FAM13A: variants seen among roughly 807,000 people sequenced by gnomAD.
FAM13A encodes the protein family with sequence similarity 13 member A.
Under a neutral mutation model 129.6 loss-of-function variants are expected in FAM13A, and 76 were observed. The ratio of observed to expected loss-of-function variants is 0.59; its 90% CI spans 0.49 to 0.71. FAM13A has a LOEUF of 0.71. Among genes scored for constraint, FAM13A ranks in the 30% least tolerant of loss-of-function variants. The pLI, the probability that FAM13A is intolerant of heterozygous loss-of-function variation, is 0.00. For missense variants in FAM13A, 1,108 were observed against 1,249.3 expected (o/e 0.89, Z 1.70); for synonymous variants, 443 against 449.9 (o/e 0.98, Z 0.20).
intron 4 of FAM13A, among the ~76,000 whole-genome samples, chr4:88,955,735 C>T (rs1480649044): frequency 3.3e-5 from 5 of 152,128 alleles, no homozygotes; most frequent in African/African-American, 7.2e-5. Context: ...ACAAAGGTGA[C>T]TCGTCATGCT....
chr4:88,944,079 T>C (rs1414212145), intron 4 of FAM13A, among the ~76,000 whole-genome samples: 1 of 152,236 alleles, frequency 6.6e-6, no homozygotes, highest in Non-Finnish European at 1.5e-5. Context: ...AAGAATTTGC[T>C]CTTGCTGGGC....
chr4:88,942,691 C>T lies in FAM13A; in HGVS notation c.606-4450G>A, dbSNP rs923940448. On this transcript the variant is annotated intron_variant, in intron 4 of 23. Transcript: ENST00000264344. ...TGCAAGATATCACCCATACCAAAGA[C>T]GGTAAAGCCCACCTGACTCCTACTG... Among the ~76,000 whole-genome samples the T allele has an allele frequency of 9.2e-5, 14 of 151,940 alleles. No individual in the cohort carries two copies. The East Asian group carries it at 9.6e-4, about 10-fold the overall frequency.
intron 7 of FAM13A, among the ~76,000 whole-genome samples, chr4:88,841,153 T>C (rs957509996): frequency 2.0e-5 from 3 of 152,150 alleles, no homozygotes; most frequent in African/African-American, 7.2e-5. Flanking sequence ...AATAATAGAT[T>C]AATTGGACTT....
intron 6 of FAM13A, among the ~76,000 whole-genome samples, chr4:88,869,960 T>C (rs982050921): frequency 6.6e-6 from 1 of 152,156 alleles, no homozygotes; most frequent in African/African-American, 2.4e-5. Context: ...TTATATAATT[T>C]ATATTCTCTC....
At position 88,906,379 on chromosome 4, in the gene FAM13A, C is replaced by T; in HGVS notation, c.843G>A (p.Lys281=). The change falls in exon 6 of 24, where the codon AAG becomes AAA. Residue 281 remains lysine (K), a splice_region_variant and synonymous_variant. Coordinates refer to ENST00000264344, the MANE Select transcript of FAM13A (RefSeq NM_014883.4). ...CGCCTACAGAGAAAACATAGTTTAC[C>T]TTGGTTTTTGGAGGTGGTTTTGGCA... ...RDMPKPPPKT[K]IPKSRSEGSI... The T allele has an allele frequency of 1.6e-5, 25 of 1,599,734 alleles. No individual in the cohort carries two copies. The highest frequency in any genetic ancestry group is 2.1e-5 in the Non-Finnish European group (25 of 1,168,684).
Position 88,872,486 on chromosome 4 carries a change from C to T in FAM13A, c.844-21303G>A, listed in dbSNP as rs1741595187. ...AGCCAATAAAAGCAGGGGTTGCAAT[C>T]CTAGTCTCTGATAAAACAGACTTTA... On this transcript the variant is annotated intron_variant, in intron 6 of 23. Coordinates refer to ENST00000264344, the MANE Select transcript of FAM13A (RefSeq NM_014883.4). 1.3e-5 allele frequency among the ~76,000 whole-genome samples: 2 copies of T among 152,242 alleles called. 1 individual carries two copies. Among genetic ancestry groups the T allele is most frequent in the South Asian group, 4.1e-4 (2 of 4,820 alleles).
rs528368178 is a variant in FAM13A at position 88,864,485 on chromosome 4, T to C, written c.844-13302A>G. On this transcript the variant is annotated intron_variant, in intron 6 of 23. Transcript: ENST00000264344. ...GTGCAGTGGCACGATATCAGCTTAC[T>C]GCAAGCTCCACCTCCCAGGTTCAAG... Among the ~76,000 whole-genome samples, 15 of 152,350 alleles carry C rather than the reference T, an allele frequency of 9.8e-5. No individual in the cohort carries two copies. The South Asian group carries it at 3.1e-3, about 32-fold the overall frequency.
At chr4:88,789,993 G>A (rs1180609302) in intron 9 of FAM13A, among the ~76,000 whole-genome samples, 1 of 152,130 alleles carries the variant, frequency 6.6e-6, no homozygotes, top group African/African-American at 2.4e-5. Context: ...AAGTGTCAGT[G>A]GAAGACTTTG....
chr4:88,934,236 A>T (rs541761720), intron 5 of FAM13A, among the ~76,000 whole-genome samples: 1 of 152,338 alleles, frequency 6.6e-6, no homozygotes, highest in Admixed American at 6.5e-5. Context: ...ACTTCACAGA[A>T]TATATCACCA....
intron 4 of FAM13A, among the ~76,000 whole-genome samples, chr4:88,975,659 C>T (rs1009367707): frequency 1.7e-4 from 26 of 152,116 alleles, no homozygotes; most frequent in Middle Eastern, 3.2e-3. Context: ...AAAGAATTGC[C>T]AAAATCCGAA....
At chr4:88,831,799 C>T (rs927747565) in intron 7 of FAM13A, among the ~76,000 whole-genome samples, 24 of 152,212 alleles carry the variant, frequency 1.6e-4, no homozygotes, top group African/African-American at 4.8e-4. Context: ...GAATCAGTAT[C>T]GTGAAAATGG....
intron 11 of FAM13A, among the ~76,000 whole-genome samples, chr4:88,776,745 G>A (rs1560961534): frequency 6.6e-6 from 1 of 152,060 alleles, no homozygotes; most frequent in East Asian, 1.9e-4. Context: ...GAAGCCGAGG[G>A]GGGCAGATCA....
At position 88,746,670 on chromosome 4, in the gene FAM13A, C is replaced by T. The variant is rs146890683; in HGVS notation, c.2466+262G>A. On this transcript the variant is annotated intron_variant, in intron 19 of 23. Coordinates refer to ENST00000264344, the MANE Select transcript of FAM13A (RefSeq NM_014883.4). ...CCCTCCACCATTCCTTCCTTTAAAGCGGTACATTAATGACTAAATTTTAGT... is the reference window on the plus strand; with the variant it reads ...CCCTCCACCATTCCTTCCTTTAAAGTGGTACATTAATGACTAAATTTTAGT... Among the ~76,000 whole-genome samples the T allele has an allele frequency of 6.0e-4, 92 of 152,256 alleles. 1 individual carries two copies. In the East Asian group the frequency reaches 0.014, roughly 23 times the overall value.
intron 2 of FAM13A, among the ~76,000 whole-genome samples, chr4:89,028,202 G>A (rs1214238514): frequency 1.3e-4 from 17 of 127,432 alleles, no homozygotes; most frequent in East Asian, 9.0e-4. Flanking sequence ...GCTAACCTCC[G>A]TCTCAAAAAA....
intron 7 of FAM13A, among the ~76,000 whole-genome samples, chr4:88,833,078 A>C (rs754072129): frequency 2.0e-5 from 3 of 152,214 alleles, no homozygotes; most frequent in Non-Finnish European, 4.4e-5. Flanking sequence ...TGTCGTTTTT[A>C]GGCACATGGA....
chr4:88,767,962 A>C, intron 12 of FAM13A, 21 bp downstream of exon 12: 3 of 1,435,438 alleles, frequency 2.1e-6, no homozygotes, highest in Non-Finnish European at 2.0e-6. Flanking sequence ...AAAGAATATT[A>C]GGAGACAATT....
chr4:88,955,728 A>C (rs1757647672), intron 4 of FAM13A, among the ~76,000 whole-genome samples: 1 of 152,164 alleles, frequency 6.6e-6, no homozygotes, highest in Admixed American at 6.5e-5. Flanking sequence ...AAGTGGGACA[A>C]AGGTGACTCG....
Position 88,758,739 on chromosome 4 carries a change from A to G in FAM13A, c.1726+15T>C, listed in dbSNP as rs200485145. 28 of 1,607,268 alleles carry G rather than the reference A, an allele frequency of 1.7e-5. No individual in the cohort carries two copies. Among genetic ancestry groups the G allele is most frequent in the Admixed American group, 3.4e-5 (2 of 59,120 alleles). On this transcript the variant is annotated intron_variant, in intron 14 of 23. Coordinates refer to ENST00000264344, the MANE Select transcript of FAM13A (RefSeq NM_014883.4). ...TTTAATGATAGCAAATCATCCAAGT[A>G]TCAGACAACCCTACCTTCCCAGTTC...
At chr4:88,849,563 A>G (rs1313259813) in intron 7 of FAM13A, among the ~76,000 whole-genome samples, 2 of 152,198 alleles carry the variant, frequency 1.3e-5, no homozygotes, top group African/African-American at 4.8e-5. Context: ...AACTAAAATG[A>G]TCTTTGCATC....
Sources: gnomAD v4.1 joint callset for allele counts (sites outside exome capture counted in the v4.1 genomes callset) on GRCh38, gnomAD v4.1.1 for gene constraint, MANE v1.5 for transcripts, NCBI Gene and HGNC (gene_info 2026-07-23, HGNC 2026-07-21) for gene names.